Variants in SYN3 observed in about 807,000 individuals in gnomAD.
SYN3 encodes the protein synapsin-3.
In SYN3, 35 loss-of-function variants were observed where a neutral mutation model predicts 65.8. The observed-to-expected ratio is 0.53, with a 90% CI of 0.41 to 0.70. The LOEUF is 0.70. Ranked by LOEUF, SYN3 falls within the 30% of genes least tolerant of loss-of-function variation. The probability of loss-of-function intolerance (pLI) is 0.00; values close to 1 mark genes in which losing one functional copy is unlikely to be tolerated. For missense variants in SYN3, 680 were observed against 749.0 expected (o/e 0.91, Z 1.08); for synonymous variants, 270 against 292.9 (o/e 0.92, Z 0.80).
chr22:32,800,703 G>T (rs922060628), intron 6 of SYN3, among the ~76,000 whole-genome samples: 1 of 152,166 alleles, frequency 6.6e-6, no homozygotes, highest in Non-Finnish European at 1.5e-5. Flanking sequence ...CTGAAGGGTG[G>T]AGCTCTGTCA....
chr22:32,704,045 T>C (rs1259397272), intron 6 of SYN3, among the ~76,000 whole-genome samples: 1 of 152,206 alleles, frequency 6.6e-6, no homozygotes, highest in Non-Finnish European at 1.5e-5. Context: ...AATTATATTG[T>C]AACTTTTTTT....
chr22:32,803,131 T>TC (rs1177851862), intron 6 of SYN3, among the ~76,000 whole-genome samples: 1 of 152,104 alleles, frequency 6.6e-6, no homozygotes, highest in Non-Finnish European at 1.5e-5. Flanking sequence ...AGCGTGCAAG[T>TC]CCAGTGGCTC....
At position 32,726,218 on chromosome 22, in the gene SYN3, C is replaced by T. The variant is rs12172292; in HGVS notation, c.712-129482G>A. ...AGTGCAGTGGCACGATCTTGGCTCA[C>T]TGCAACCTCCGCTTCCCGGGTTCAA... On this transcript the variant is annotated intron_variant, in intron 6 of 13. Coordinates refer to ENST00000358763, the MANE Select transcript of SYN3 (RefSeq NM_003490.4). 2.2e-4 allele frequency among the ~76,000 whole-genome samples: 34 copies of T among 151,944 alleles called. No homozygotes were observed. In the East Asian group the frequency reaches 5.6e-3, roughly 25 times the overall value.
At chr22:33,003,035 A>G (rs1167601669) in intron 2 of SYN3, among the ~76,000 whole-genome samples, 1 of 152,136 alleles carries the variant, frequency 6.6e-6, no homozygotes, top group African/African-American at 2.4e-5. Flanking sequence ...GCACTCATTC[A>G]TTCTCTCTCC....
rs62232672 is a variant in SYN3, at chr22:32,509,986, G to C, written c.*3706C>G. 0.14 allele frequency among the ~76,000 whole-genome samples: 21,871 copies of C among 152,192 alleles called. 2,022 individuals carry two copies. Among genetic ancestry groups the C allele is most frequent in the Non-Finnish European group, 0.22 (14,943 of 67,992 alleles). On this transcript the variant is annotated 3_prime_UTR_variant, in exon 14 of 14. Coordinates refer to ENST00000358763, the MANE Select transcript of SYN3 (RefSeq NM_003490.4). ...GGCCTGATTTGGAGCTTGGAAGGAGGTTCTGCGGCTGTTGTACACAGATAC... is the reference window on the plus strand; with the variant it reads ...GGCCTGATTTGGAGCTTGGAAGGAGCTTCTGCGGCTGTTGTACACAGATAC...
chr22:32,538,919 T>C (rs1315962948), intron 8 of SYN3, among the ~76,000 whole-genome samples: 1 of 152,176 alleles, frequency 6.6e-6, no homozygotes, highest in Non-Finnish European at 1.5e-5. Flanking sequence ...ATCCCCTGTA[T>C]ACCCAGTATC....
chr22:32,912,767 C>A (rs951203700), intron 4 of SYN3, among the ~76,000 whole-genome samples: 4 of 151,960 alleles, frequency 2.6e-5, no homozygotes, highest in Non-Finnish European at 4.4e-5. Flanking sequence ...CTGAATAATT[C>A]CAACAACATG....
At chr22:32,603,775 T>C (rs2059322427) in intron 6 of SYN3, among the ~76,000 whole-genome samples, 1 of 152,192 alleles carries the variant, frequency 6.6e-6, no homozygotes, top group Non-Finnish European at 1.5e-5. Context: ...AATAGCTTTA[T>C]TTAGTTCCCC....
At chr22:32,953,140 A>T (rs903030405) in intron 3 of SYN3, among the ~76,000 whole-genome samples, 2 of 152,258 alleles carry the variant, frequency 1.3e-5, no homozygotes, top group Non-Finnish European at 2.9e-5. Flanking sequence ...AGAAAACTGG[A>T]GAGCAGAGAG....
intron 1 of SYN3, among the ~76,000 whole-genome samples, chr22:33,038,355 C>A (rs1341849198): frequency 1.3e-5 from 2 of 152,214 alleles, no homozygotes; most frequent in African/African-American, 4.8e-5. Context: ...GGGATTACTG[C>A]TGCGGCGCTG....
intron 4 of SYN3, among the ~76,000 whole-genome samples, chr22:32,912,545 C>G (rs1458041891): frequency 2.0e-5 from 3 of 151,894 alleles, no homozygotes; most frequent in African/African-American, 7.3e-5. Flanking sequence ...GTGAGACCCC[C>G]CCATCTCTAC....
At chr22:32,856,383 G>A (rs1401039484) in intron 6 of SYN3, among the ~76,000 whole-genome samples, 1 of 152,044 alleles carries the variant, frequency 6.6e-6, no homozygotes, top group Non-Finnish European at 1.5e-5. Context: ...CAAGAGGATC[G>A]GTGGCTTCAT....
intron 12 of SYN3, chr22:32,527,637 C>T (rs2058001458): frequency 3.0e-6 from 1 of 335,786 alleles, no homozygotes; most frequent in East Asian, 5.6e-5. Flanking sequence ...GACATTTTCA[C>T]TGCAGGACGG....
chr22:32,990,772 GC>G (rs2052690334), intron 2 of SYN3, among the ~76,000 whole-genome samples: 1 of 152,146 alleles, frequency 6.6e-6, no homozygotes, highest in Non-Finnish European at 1.5e-5. Flanking sequence ...ATATTCGCTG[GC>G]AAGGTGACTC....
At chr22:32,858,214 T>TA in intron 6 of SYN3, 1 of 1,591,678 alleles carries the variant, frequency 6.3e-7, no homozygotes, top group Non-Finnish European at 8.6e-7. Context: ...CCCAATGCAC[T>TA]GGGTGCCAGG....
chr22:32,629,524 T>G (rs2059717112), intron 6 of SYN3: 1 of 152,314 alleles, frequency 6.6e-6, no homozygotes, highest in Non-Finnish European at 1.5e-5. Context: ...CCAGGCTTTC[T>G]CAGGCAGGCG....
At chr22:33,028,667 G>GTGGTGGTGGTGGTGGTGGTGA (rs2053684821) in intron 1 of SYN3, among the ~76,000 whole-genome samples, 1 of 130,460 alleles carries the variant, frequency 7.7e-6, no homozygotes, top group Admixed American at 7.5e-5. Context: ...GGTGGTGGTG[G>GTGGTGGTGGTGGTGGTGGTGA]TGGTGGTGGT....
intron 2 of SYN3, 137 bp from the exon 3 acceptor site, chr22:32,980,839 A>G (rs1601833693): frequency 1.0e-5 from 7 of 693,244 alleles, no homozygotes; most frequent in Non-Finnish European, 1.7e-5. Flanking sequence ...CACCTTCACT[A>G]CTGATTTTCT....
At chr22:33,037,650 G>C (rs1184556192) in intron 1 of SYN3, among the ~76,000 whole-genome samples, 1 of 152,178 alleles carries the variant, frequency 6.6e-6, no homozygotes, top group Admixed American at 6.5e-5. Flanking sequence ...ACTCAGAAAG[G>C]TTCGGTAATT....
Sources: gnomAD v4.1 joint callset for allele counts (sites outside exome capture counted in the v4.1 genomes callset) on GRCh38, gnomAD v4.1.1 for gene constraint, MANE v1.5 for transcripts, NCBI Gene and HGNC (gene_info 2026-07-23, HGNC 2026-07-21) for gene names.